GRIK1: variants seen among roughly 807,000 people sequenced by gnomAD.
GRIK1 encodes glutamate receptor ionotropic, kainate 1.
In GRIK1, 69 loss-of-function variants were observed where a neutral mutation model predicts 105.7. That is an observed-to-expected ratio of 0.65 (90% CI 0.54 to 0.80). The LOEUF (loss-of-function observed/expected upper bound fraction) is 0.80, where lower values mean the gene tolerates loss of function less well. Ranked by LOEUF, GRIK1 falls within the 30% of genes least tolerant of loss-of-function variation. The pLI, the probability that GRIK1 is intolerant of heterozygous loss-of-function variation, is 0.00. For synonymous variants in GRIK1, 438 were observed against 431.3 expected (o/e 1.02, Z -0.19); for missense variants, 1,109 against 1,167.3 (o/e 0.95, Z 0.73).
At chr21:29,722,355 G>T (rs746586522) in intron 1 of GRIK1, among the ~76,000 whole-genome samples, 12 of 151,992 alleles carry the variant, frequency 7.9e-5, no homozygotes, top group Non-Finnish European at 1.8e-4. Flanking sequence ...AGGAGATCGA[G>T]ACCATCCTGG....
At chr21:29,693,329 CT>C (rs1377657138) in intron 2 of GRIK1, among the ~76,000 whole-genome samples, 1 of 152,160 alleles carries the variant, frequency 6.6e-6, no homozygotes, top group Non-Finnish European at 1.5e-5. Flanking sequence ...AATTAGATTA[CT>C]TTTTAGGCTA....
In GRIK1 at chr21:29,555,243, G is replaced by T. The variant is rs1375073339; in HGVS notation, c.2416C>A (p.Leu806Met). Residue 806 changes from leucine (L) to methionine (M), a missense_variant, in exon 16 of 18, where the codon CTG (leucine) becomes ATG (methionine). Leu to Met is a conservative substitution (Grantham distance 15, BLOSUM62 2). This residue lies in a region of GRIK1 where 18 missense variants were observed against 42.8 expected (regional missense o/e 0.42). Coordinates refer to ENST00000327783, the MANE Select transcript of GRIK1 (RefSeq NM_001330994.2). The stretch of plus-strand genomic sequence containing the variant: ...CACCACTTCTCTTTCATCATATGCA[G>T]CTTCCCTTCTTCTTGGAGTTGAAGA... ...AILQLQEEGK[L>M]HMMKEKWWRG... The T allele has an allele frequency of 6.2e-7, 1 of 1,613,190 alleles. No homozygotes were observed. The highest frequency in any genetic ancestry group is 8.5e-7 in the Non-Finnish European group (1 of 1,179,342).
chr21:29,836,502 T>A (rs187443758), intron 1 of GRIK1, among the ~76,000 whole-genome samples: 5 of 152,204 alleles, frequency 3.3e-5, no homozygotes, highest in African/African-American at 1.2e-4. Flanking sequence ...AGGATAATTA[T>A]AGTAAAACAT....
At chr21:29,904,297 A>C (rs1230854080) in intron 1 of GRIK1, among the ~76,000 whole-genome samples, 1 of 150,870 alleles carries the variant, frequency 6.6e-6, no homozygotes, top group Non-Finnish European at 1.5e-5. Flanking sequence ...AAAACTCAAA[A>C]TATTGTGGAC....
At chr21:29,720,093 A>G (rs1346440147) in intron 1 of GRIK1, among the ~76,000 whole-genome samples, 1 of 152,234 alleles carries the variant, frequency 6.6e-6, no homozygotes, top group Admixed American at 6.5e-5. Flanking sequence ...ATGCTTTTAC[A>G]TGATAAAAGA....
rs1335197554 is a variant in GRIK1 at position 29,765,648 on chromosome 21, G to A, written c.119-71585C>T. 1.3e-5 allele frequency among the ~76,000 whole-genome samples: 2 copies of A among 152,072 alleles called. 1 individual carries two copies. Among genetic ancestry groups the A allele is most frequent in the Non-Finnish European group, 2.9e-5 (2 of 68,020 alleles). On this transcript the variant is annotated intron_variant, in intron 1 of 17. Transcript: ENST00000327783. ...GACCCTGAACCACCATATGCCAGGGGACAGTTAATCCTGCTTCGAATGGGG... is the reference window on the plus strand; with the variant it reads ...GACCCTGAACCACCATATGCCAGGGAACAGTTAATCCTGCTTCGAATGGGG...
chr21:29,658,171 T>C (rs113215631), intron 4 of GRIK1, among the ~76,000 whole-genome samples: 2,346 of 152,304 alleles, frequency 0.015, 21 homozygotes, highest in Middle Eastern at 0.044. Flanking sequence ...TAAAATGTAA[T>C]AAAGGCAGAT....
intron 3 of GRIK1, among the ~76,000 whole-genome samples, chr21:29,674,312 T>TGG (rs1329962513): frequency 6.6e-6 from 1 of 151,568 alleles, no homozygotes; most frequent in Non-Finnish European, 1.5e-5. Flanking sequence ...TGTGTGTGTG[T>TGG]GGCTCAGATG....
chr21:29,790,029 C>T (rs933002644), intron 1 of GRIK1, among the ~76,000 whole-genome samples: 7 of 152,198 alleles, frequency 4.6e-5, no homozygotes, highest in African/African-American at 1.4e-4. Context: ...ACGTAAGTCT[C>T]CTTTAATATT....
At chr21:29,568,752 G>C (rs1391144624) in intron 14 of GRIK1, among the ~76,000 whole-genome samples, 2 of 152,278 alleles carry the variant, frequency 1.3e-5, no homozygotes, top group Middle Eastern at 3.4e-3. Flanking sequence ...CACATGTTGT[G>C]TTGTATTTAA....
intron 4 of GRIK1, among the ~76,000 whole-genome samples, chr21:29,671,675 A>G (rs2063163214): frequency 6.6e-6 from 1 of 152,162 alleles, no homozygotes; most frequent in South Asian, 2.1e-4. Context: ...ACCAATCAAC[A>G]ACATAGCAAC....
intron 1 of GRIK1, among the ~76,000 whole-genome samples, chr21:29,718,892 G>A (rs533297406): frequency 6.6e-6 from 1 of 152,196 alleles, no homozygotes; most frequent in South Asian, 2.1e-4. Context: ...TGTTCTGAAG[G>A]GAGAAGTTGT....
intron 14 of GRIK1, among the ~76,000 whole-genome samples, chr21:29,567,620 A>G (rs2300304): frequency 0.016 from 2,457 of 152,314 alleles, 70 homozygotes; most frequent in African/African-American, 0.052. Context: ...ACAAACAATT[A>G]TATTTTAAGA....
At chr21:29,823,725 C>T (rs2067368514) in intron 1 of GRIK1, among the ~76,000 whole-genome samples, 1 of 151,898 alleles carries the variant, frequency 6.6e-6, no homozygotes, top group Admixed American at 6.6e-5. Flanking sequence ...TATCTTTTAT[C>T]TCTCTGTACA....
At chr21:29,733,664 ACTTT>A (rs2064697148) in intron 1 of GRIK1, among the ~76,000 whole-genome samples, 2 of 152,040 alleles carry the variant, frequency 1.3e-5, no homozygotes, top group South Asian at 4.1e-4. Flanking sequence ...TTTCTTCATC[ACTTT>A]CTTAAGTGAT....
chr21:29,934,314 G>T (rs796861419), intron 1 of GRIK1, among the ~76,000 whole-genome samples: 2 of 152,256 alleles, frequency 1.3e-5, no homozygotes, highest in African/African-American at 4.8e-5. Flanking sequence ...ATAACCAAGA[G>T]CAAGAGGTAA....
At chr21:29,671,646 T>G (rs1376490767) in intron 4 of GRIK1, among the ~76,000 whole-genome samples, 1 of 152,152 alleles carries the variant, frequency 6.6e-6, no homozygotes, top group Non-Finnish European at 1.5e-5. Flanking sequence ...TTTATCTACT[T>G]ATGAAATTAC....
At chr21:29,902,935 T>C (rs568427598) in intron 1 of GRIK1, among the ~76,000 whole-genome samples, 1 of 152,246 alleles carries the variant, frequency 6.6e-6, no homozygotes, top group Admixed American at 6.5e-5. Context: ...AAAACAGATA[T>C]ATAGACCAAT....
intron 5 of GRIK1, among the ~76,000 whole-genome samples, chr21:29,654,259 A>G (rs771154304): frequency 1.7e-4 from 26 of 152,202 alleles, no homozygotes; most frequent in Non-Finnish European, 3.1e-4. Context: ...TCAAAATTTA[A>G]GATGTCCTAT....
Sources: allele counts gnomAD v4.1 joint callset (sites outside exome capture counted in the v4.1 genomes callset), GRCh38; gene constraint gnomAD v4.1.1; regional missense constraint gnomAD v4.1.1; transcripts MANE v1.5; gene names NCBI Gene and HGNC (gene_info 2026-07-23, HGNC 2026-07-21).